Variants in DPP4 observed in about 807,000 individuals in gnomAD.
DPP4 encodes the protein dipeptidyl peptidase 4, also known as ADCP-2.
In DPP4, 93 loss-of-function variants were observed where a neutral mutation model predicts 122.4. That is an observed-to-expected ratio of 0.76 (90% CI 0.64 to 0.90). The LOEUF is 0.90. Among genes scored for constraint, DPP4 ranks in the 40% least tolerant of loss-of-function variants. The pLI, the probability that DPP4 is intolerant of heterozygous loss-of-function variation, is 0.00. For synonymous variants in DPP4, 321 were observed against 302.9 expected, an observed-to-expected ratio of 1.06 and a Z score of -0.62; for missense variants, 914 against 907.3, an observed-to-expected ratio of 1.01 and a Z score of -0.09.
intron 18 of DPP4, among the ~76,000 whole-genome samples, chr2:162,015,982 A>G (rs2268890): frequency 0.68 from 102,911 of 152,072 alleles, 36,135 homozygotes; most frequent in African/African-American, 0.88. Flanking sequence ...TTAATATAAG[A>G]TCCCAGGAGA....
intron 14 of DPP4, 137 bp from the exon 15 acceptor site, chr2:162,019,413 C>T (rs969188626): frequency 7.2e-6 from 4 of 556,790 alleles, no homozygotes; most frequent in Non-Finnish European, 1.2e-5. Flanking sequence ...CCATCGCTTC[C>T]GTGTCCCTCA....
At chr2:162,018,473 A>G (rs573963952) in intron 16 of DPP4, among the ~76,000 whole-genome samples, 11 of 152,348 alleles carry the variant, frequency 7.2e-5, no homozygotes, top group Admixed American at 2.0e-4. Flanking sequence ...GTATGTATTT[A>G]ACGCTGAAGT....
At chr2:162,048,228 G>T (rs1465637291) in intron 2 of DPP4, among the ~76,000 whole-genome samples, 1 of 152,006 alleles carries the variant, frequency 6.6e-6, no homozygotes, top group Non-Finnish European at 1.5e-5. Flanking sequence ...TCTACCACTG[G>T]TGACCCAAAT....
chr2:162,030,561 G>T (rs1683508289), intron 10 of DPP4, among the ~76,000 whole-genome samples: 1 of 152,180 alleles, frequency 6.6e-6, no homozygotes, highest in Non-Finnish European at 1.5e-5. Flanking sequence ...AGGCTGAGCA[G>T]GTTACTAAGA....
In DPP4 at chr2:162,001,079, G is replaced by A. The variant is rs191994105; in HGVS notation, c.2052+4666C>T. Among the ~76,000 whole-genome samples, 104 of 152,162 alleles carry A rather than the reference G, an allele frequency of 6.8e-4. 1 individual carries two copies. The highest frequency in any genetic ancestry group is 2.2e-3 in the African/African-American group (92 of 41,500). On this transcript the variant is annotated intron_variant, in intron 23 of 25. Coordinates refer to ENST00000360534, the MANE Select transcript of DPP4 (RefSeq NM_001935.4). Reference sequence around the variant, plus strand: ...ATCATGCTCGTCCTCCCCATCTTCCGAAATCTTTCTCTAATGATTCAGATA... The same window carrying A: ...ATCATGCTCGTCCTCCCCATCTTCCAAAATCTTTCTCTAATGATTCAGATA...
At chr2:162,038,895 G>T in intron 7 of DPP4, 54 bp downstream of exon 7, 1 of 1,506,636 alleles carries the variant, frequency 6.6e-7, no homozygotes, top group Non-Finnish European at 9.2e-7. Flanking sequence ...AGTAACTTCT[G>T]CCTATGAAAA....
intron 7 of DPP4, 72 bp downstream of exon 7, chr2:162,038,877 T>C: frequency 1.5e-6 from 2 of 1,305,290 alleles, no homozygotes; most frequent in Non-Finnish European, 2.2e-6. Flanking sequence ...CTGCTTTGTA[T>C]CAGGGTTAGT....
intron 10 of DPP4, among the ~76,000 whole-genome samples, chr2:162,028,025 A>T (rs1004596595): frequency 2.0e-5 from 3 of 151,296 alleles, no homozygotes; most frequent in African/African-American, 7.3e-5. Context: ...TTGAGCCAAG[A>T]TTATGCCAGT....
rs112722613 is a variant in DPP4, at chr2:162,051,266, A to G, written c.95-3765T>C. ...TGCTGTAGTGTCAAAATCATTTCTG[A>G]AAAACAATAATTCCAGAATGATAAA... On this transcript the variant is annotated intron_variant, in intron 2 of 25. Coordinates refer to ENST00000360534, the MANE Select transcript of DPP4 (RefSeq NM_001935.4). Among the ~76,000 whole-genome samples the G allele has an allele frequency of 1.0e-2, 1,519 of 152,282 alleles. 28 individuals are homozygous for G. The highest frequency in any genetic ancestry group is 0.035 in the African/African-American group (1,441 of 41,554).
Position 162,033,686 on chromosome 2 carries a change from CAAAA to C in DPP4, c.775-37_775-34del. ...AAAATAATCACAGAATTGGTATTGA[CAAAA>C]AAAAAAAAGTAACATCGTTGCACAC... is the stretch of plus-strand genomic sequence containing the variant. On this transcript the variant is annotated intron_variant, in intron 9 of 25. Transcript: ENST00000360534. The C allele has an allele frequency of 3.5e-6, 4 of 1,134,470 alleles. 1 individual carries two copies. The highest frequency in any genetic ancestry group is 3.6e-6 in the Non-Finnish European group (3 of 825,382). The allele number at this position is 1,134,470 out of a possible 1,614,324, so 70.3% of individuals were successfully genotyped here.
intron 5 of DPP4, among the ~76,000 whole-genome samples, chr2:162,042,463 G>A (rs1684020770): frequency 6.6e-6 from 1 of 152,104 alleles, no homozygotes; most frequent in African/African-American, 2.4e-5. Context: ...ACTCAGTCAT[G>A]GAGAAGTCAC....
At chr2:162,061,006 C>CTCCTTCCTTCCTTCCT (rs1235608036) in intron 2 of DPP4, among the ~76,000 whole-genome samples, 14 of 81,536 alleles carry the variant, frequency 1.7e-4, no homozygotes, top group South Asian at 1.3e-3. Context: ...CCCTCCCTCC[C>CTCCTTCCTTCCTTCCT]TCCTTCCTTC....
chr2:162,030,354 C>T (rs1412957197), intron 10 of DPP4, among the ~76,000 whole-genome samples: 2 of 152,236 alleles, frequency 1.3e-5, no homozygotes, highest in Non-Finnish European at 2.9e-5. Context: ...AGAAGCAGGG[C>T]TTCCACCCAT....
Position 162,018,822 on chromosome 2 carries a change from T to C in DPP4, c.1327A>G (p.Thr443Ala). The C allele has an allele frequency of 5.0e-6, 8 of 1,614,206 alleles. No homozygotes were observed. Among genetic ancestry groups the C allele is most frequent in the Non-Finnish European group, 5.9e-6 (7 of 1,180,034 alleles). Residue 443 changes from threonine (T) to alanine (A), a missense_variant, in exon 16 of 26, where the codon ACA (threonine) becomes GCA (alanine). Transcript: ENST00000360534. ...GGATTCAGCTCACAACTGAGGCATG[T>C]CACTTTTGTATAGTCACTAAGTTGG... ...KIQLSDYTKV[T>A]CLSCELNPER... is the part of the protein sequence containing the mutation.
intron 4 of DPP4, among the ~76,000 whole-genome samples, chr2:162,046,548 A>G (rs1217230100): frequency 6.6e-6 from 1 of 152,144 alleles, no homozygotes; most frequent in East Asian, 1.9e-4. Flanking sequence ...ATTAAAGTTT[A>G]AATCTGGGAG....
At chr2:162,007,018 A>G (rs1384868263) in intron 22 of DPP4, among the ~76,000 whole-genome samples, 1 of 152,118 alleles carries the variant, frequency 6.6e-6, no homozygotes, top group Non-Finnish European at 1.5e-5. Flanking sequence ...CTCCATATGC[A>G]TACTTTATGC....
intron 2 of DPP4, among the ~76,000 whole-genome samples, chr2:162,071,597 T>C (rs539222865): frequency 6.6e-6 from 1 of 152,314 alleles, no homozygotes; most frequent in Non-Finnish European, 1.5e-5. Flanking sequence ...GAAGTGTTCC[T>C]TCTAACCTCC....
intron 8 of DPP4, among the ~76,000 whole-genome samples, chr2:162,036,869 A>G (rs1207052780): frequency 2.6e-5 from 4 of 152,222 alleles, no homozygotes; most frequent in Non-Finnish European, 5.9e-5. Context: ...GGTTTCTATT[A>G]TAGTAAGAAC....
intron 2 of DPP4, among the ~76,000 whole-genome samples, chr2:162,067,984 A>G (rs934951318): frequency 2.6e-5 from 4 of 152,226 alleles, no homozygotes; most frequent in African/African-American, 9.6e-5. Context: ...TTTCACGTGT[A>G]AAAAGTCAAG....
Sources: gnomAD v4.1 joint callset for allele counts (sites outside exome capture counted in the v4.1 genomes callset) on GRCh38, gnomAD v4.1.1 for gene constraint, MANE v1.5 for transcripts, NCBI Gene and HGNC (gene_info 2026-07-23, HGNC 2026-07-21) for gene names.